The following COL15A1 variants were observed in gnomAD, a reference collection of about 807,000 sequenced individuals.
COL15A1 encodes the protein collagen type XV alpha 1 chain.
COL15A1 carries 111 observed loss-of-function variants against 165.9 expected under a neutral mutation model. That is an observed-to-expected ratio of 0.67 (90% CI 0.57 to 0.78). The LOEUF (loss-of-function observed/expected upper bound fraction) is 0.78. Among genes scored for constraint, COL15A1 ranks in the 30% least tolerant of loss-of-function variants. The probability of loss-of-function intolerance (pLI) is 0.00; values close to 1 mark genes in which losing one functional copy is unlikely to be tolerated. For missense variants in COL15A1, 1,745 were observed against 1,789.7 expected (o/e 0.98, Z 0.45); for synonymous variants, 659 against 674.8 (o/e 0.98, Z 0.36).
intron 24 of COL15A1, among the ~76,000 whole-genome samples, chr9:99,042,719 G>C (rs1389102360): frequency 6.6e-6 from 1 of 152,184 alleles, no homozygotes; most frequent in Admixed American, 6.5e-5. Context: ...AACAGTCTTG[G>C]TCCAAAGTCT....
chr9:98,953,891 A>G (rs1837731598), intron 2 of COL15A1, among the ~76,000 whole-genome samples: 2 of 152,196 alleles, frequency 1.3e-5, no homozygotes, highest in African/African-American at 4.8e-5. Flanking sequence ...AGTCTTCAAA[A>G]TGGTCTGTCT....
At chr9:98,969,710 A>G (rs1838014971) in intron 2 of COL15A1, among the ~76,000 whole-genome samples, 1 of 152,220 alleles carries the variant, frequency 6.6e-6, no homozygotes, top group Non-Finnish European at 1.5e-5. Context: ...GACAACAATA[A>G]GGGTGTGCTT....
intron 5 of COL15A1, among the ~76,000 whole-genome samples, chr9:98,991,025 A>G (rs1460781407): frequency 6.6e-6 from 1 of 151,996 alleles, no homozygotes; most frequent in Non-Finnish European, 1.5e-5. Context: ...CTCTTAGGGC[A>G]GTGCCTCTGG....
intron 19 of COL15A1, 88 bp from the exon 20 acceptor site, chr9:99,036,082 A>C: frequency 9.0e-7 from 1 of 1,110,906 alleles, no homozygotes; most frequent in Non-Finnish European, 1.4e-6. Flanking sequence ...AATAAGCATA[A>C]AAGCTTAGGG....
At chr9:99,068,759 C>G (rs1365375580) in intron 41 of COL15A1, 89 bp downstream of exon 41, 4 of 779,234 alleles carry the variant, frequency 5.1e-6, no homozygotes, top group Non-Finnish European at 6.2e-6. Context: ...AGCTGCTTCT[C>G]TAGGATATTG....
At chr9:99,028,460 G>A (rs1450056088) in intron 16 of COL15A1, among the ~76,000 whole-genome samples, 3 of 152,076 alleles carry the variant, frequency 2.0e-5, no homozygotes, top group Admixed American at 6.5e-5. Context: ...AGACCAGCCT[G>A]ACCAACATGG....
chr9:99,016,132 G>C lies in COL15A1; in HGVS notation c.1647+13G>C, dbSNP rs549270561. On this transcript the variant is annotated intron_variant, in intron 11 of 41. Coordinates refer to ENST00000375001, the MANE Select transcript of COL15A1 (RefSeq NM_001855.5). ...ATGGATCACTCCAGTAAGTGGCATA[G>C]AGCTGTAAGATTTGACTTGGCAGAC... 6.3e-7 allele frequency: 1 copy of C among 1,591,250 alleles called. No individual in the cohort carries two copies. The highest frequency in any genetic ancestry group is 1.1e-5 in the South Asian group (1 of 88,086).
At chr9:99,043,647 T>A (rs1333708872) in intron 24 of COL15A1, among the ~76,000 whole-genome samples, 2 of 152,226 alleles carry the variant, frequency 1.3e-5, no homozygotes, top group African/African-American at 4.8e-5. Flanking sequence ...GGTGTGGGCT[T>A]AGGGGGATGG....
intron 16 of COL15A1, among the ~76,000 whole-genome samples, chr9:99,033,609 C>A (rs796887675): frequency 3.3e-5 from 5 of 152,344 alleles, no homozygotes; most frequent in African/African-American, 1.2e-4. Context: ...TAATGCCACT[C>A]CCCATCTTAT....
rs1825936036 is a variant in COL15A1 at position 99,068,681 on chromosome 9, G to A, written c.3953+11G>A. On this transcript the variant is annotated intron_variant, in intron 41 of 41. Coordinates refer to ENST00000375001, the MANE Select transcript of COL15A1 (RefSeq NM_001855.5). ...GACAGATCCTTCTTGGTAAGTGAGGGTGGAAGTTCTCAGATATGGTGTGAT... is the reference window on the plus strand; with the variant it reads ...GACAGATCCTTCTTGGTAAGTGAGGATGGAAGTTCTCAGATATGGTGTGAT... 1.4e-6 allele frequency: 2 copies of A among 1,465,370 alleles called. No individual in the cohort carries two copies. The highest frequency in any genetic ancestry group is 1.9e-6 in the Non-Finnish European group (2 of 1,076,008). The allele number at this position is 1,465,370 out of a possible 1,614,324, so 90.8% of individuals were successfully genotyped here. A position where few individuals can be genotyped will look rare whatever the true frequency, so the allele number is the denominator to read the frequency against.
At chr9:99,022,176 C>T (rs749939045) in intron 13 of COL15A1, 26 bp downstream of exon 13, 2 of 1,614,082 alleles carry the variant, frequency 1.2e-6, no homozygotes, top group Non-Finnish European at 1.7e-6. Flanking sequence ...AGGCTTGTCA[C>T]ACACACAGGT....
At chr9:98,990,273 T>A (rs1838395576) in intron 5 of COL15A1, among the ~76,000 whole-genome samples, 1 of 152,192 alleles carries the variant, frequency 6.6e-6, no homozygotes, top group Admixed American at 6.5e-5. Context: ...CTGAAGGGTG[T>A]ATGGGCCGGA....
intron 6 of COL15A1, among the ~76,000 whole-genome samples, chr9:99,000,132 A>G (rs1055959366): frequency 2.0e-5 from 3 of 152,180 alleles, no homozygotes; most frequent in African/African-American, 7.2e-5. Flanking sequence ...CGGCCTCCCA[A>G]AGTGCTGGGA....
intron 16 of COL15A1, among the ~76,000 whole-genome samples, chr9:99,029,755 C>T (rs1037256705): frequency 1.3e-5 from 2 of 152,192 alleles, no homozygotes; most frequent in South Asian, 2.1e-4. Context: ...GAAACCCCAT[C>T]TCTACTAAAA....
At chr9:98,944,581 G>A (rs1019036398) in intron 2 of COL15A1, among the ~76,000 whole-genome samples, 1 of 152,260 alleles carries the variant, frequency 6.6e-6, no homozygotes, top group Non-Finnish European at 1.5e-5. Flanking sequence ...CGCACCCAGC[G>A]CCAGCAGCTT....
rs774377319 is a variant in COL15A1, at chr9:99,061,923, A to G, written c.3403-48A>G. 3 of 1,585,354 alleles carry G rather than the reference A, an allele frequency of 1.9e-6. No individual in the cohort carries two copies. The African/African-American group carries it at 4.1e-5, about 21-fold the overall frequency. On this transcript the variant is annotated intron_variant, in intron 36 of 41. Coordinates refer to ENST00000375001, the MANE Select transcript of COL15A1 (RefSeq NM_001855.5). ...AGAGGCCAGGTTATCAGATGGTGCC[A>G]TTCCTCTAATGATAATGGCAGTGTT...
chr9:99,063,775 C>A (rs1277020924), intron 39 of COL15A1, among the ~76,000 whole-genome samples: 2 of 151,962 alleles, frequency 1.3e-5, no homozygotes, highest in Non-Finnish European at 2.9e-5. Flanking sequence ...GACTAGTGGG[C>A]AATTGGAGAG....
intron 39 of COL15A1, among the ~76,000 whole-genome samples, chr9:99,066,506 C>A (rs1285578270): frequency 6.6e-6 from 1 of 151,734 alleles, no homozygotes; most frequent in Non-Finnish European, 1.5e-5. Context: ...AACCCCTGCA[C>A]AGACCCAGAG....
chr9:99,060,972 T>C (rs1281197400), intron 36 of COL15A1, among the ~76,000 whole-genome samples: 1 of 152,210 alleles, frequency 6.6e-6, no homozygotes, highest in East Asian at 1.9e-4. Flanking sequence ...CTTGGATAAT[T>C]CAGTCTTCTC....
Sources: gnomAD v4.1 joint callset for allele counts (sites outside exome capture counted in the v4.1 genomes callset) on GRCh38, gnomAD v4.1.1 for gene constraint, MANE v1.5 for transcripts, NCBI Gene and HGNC (gene_info 2026-07-23, HGNC 2026-07-21) for gene names.